RASGRP3: variants seen among roughly 807,000 people sequenced by gnomAD.
The protein encoded by RASGRP3 is RAS guanyl releasing protein 3.
RASGRP3 carries 54 observed loss-of-function variants against 82.7 expected under a neutral mutation model. That is an observed-to-expected ratio of 0.65 (90% CI 0.52 to 0.82). RASGRP3 has a LOEUF of 0.82. RASGRP3 is among the 40% of genes least tolerant of loss of function. The probability of loss-of-function intolerance (pLI) is 0.00; values close to 1 mark genes in which losing one functional copy is unlikely to be tolerated. For synonymous variants in RASGRP3, 309 were observed against 300.5 expected (o/e 1.03, Z -0.29); for missense variants, 861 against 828.9 (o/e 1.04, Z -0.48).
chr2:33,455,382 A>G (rs1465725358), intron 2 of RASGRP3, among the ~76,000 whole-genome samples: 1 of 152,252 alleles, frequency 6.6e-6, no homozygotes, highest in African/African-American at 2.4e-5. Flanking sequence ...AAGAAGCCAC[A>G]TCTTTTGATT....
intron 1 of RASGRP3, among the ~76,000 whole-genome samples, chr2:33,484,468 G>T (rs1459446686): frequency 6.6e-6 from 1 of 152,110 alleles, no homozygotes; most frequent in African/African-American, 2.4e-5. Flanking sequence ...AAAGTAGAAA[G>T]TATTCCACTT....
At chr2:33,464,667 G>A (rs1666585146) in intron 2 of RASGRP3, among the ~76,000 whole-genome samples, 1 of 151,996 alleles carries the variant, frequency 6.6e-6, no homozygotes. Context: ...TGAAGAGATG[G>A]GGTTTCACTA....
intron 4 of RASGRP3, among the ~76,000 whole-genome samples, chr2:33,517,715 G>T (rs1671602775): frequency 6.6e-6 from 1 of 152,164 alleles, no homozygotes; most frequent in African/African-American, 2.4e-5. Context: ...AGGATGGAGG[G>T]CATTGACTCA....
At chr2:33,555,271 T>C in intron 14 of RASGRP3, 1 of 324,934 alleles carries the variant, frequency 3.1e-6, no homozygotes, top group Non-Finnish European at 5.6e-6. Flanking sequence ...CAAAGTCTGG[T>C]GCATCAAACT....
chr2:33,535,120 G>T (rs1317993027), intron 11 of RASGRP3, among the ~76,000 whole-genome samples: 1 of 152,090 alleles, frequency 6.6e-6, no homozygotes, highest in African/African-American at 2.4e-5. Flanking sequence ...TAAACATCTC[G>T]ATCATAATTT....
At chr2:33,539,361 A>G in intron 12 of RASGRP3, 151 bp downstream of exon 12, 3 of 634,670 alleles carry the variant, frequency 4.7e-6, no homozygotes, top group Non-Finnish European at 5.7e-6. Context: ...CCTACCAGGC[A>G]TTGGGTCCTG....
chr2:33,546,100 G>A (rs1394707867), intron 13 of RASGRP3, among the ~76,000 whole-genome samples: 4 of 151,162 alleles, frequency 2.6e-5, no homozygotes, highest in East Asian at 2.0e-4. Context: ...GTGAGCCACC[G>A]TGCCCAGCCA....
chr2:33,457,453 C>T (rs1345002851), intron 2 of RASGRP3, among the ~76,000 whole-genome samples: 1 of 152,070 alleles, frequency 6.6e-6, no homozygotes, highest in Non-Finnish European at 1.5e-5. Context: ...TTTAAACTTA[C>T]TGCATCAAGA....
At chr2:33,457,758 C>T (rs561065224) in intron 2 of RASGRP3, among the ~76,000 whole-genome samples, 8 of 152,126 alleles carry the variant, frequency 5.3e-5, no homozygotes, top group East Asian at 3.9e-4. Flanking sequence ...GATTGGGGAA[C>T]GAGAATCCTG....
At chr2:33,553,878 A>G (rs1344388522) in intron 14 of RASGRP3, among the ~76,000 whole-genome samples, 1 of 152,154 alleles carries the variant, frequency 6.6e-6, no homozygotes, top group African/African-American at 2.4e-5. Flanking sequence ...AGCTGGGACT[A>G]TAGGCACACA....
intron 9 of RASGRP3, among the ~76,000 whole-genome samples, chr2:33,525,699 CAAAAAAAAA>C (rs1167570668): frequency 1.4e-3 from 76 of 54,404 alleles, no homozygotes; most frequent in African/African-American, 4.8e-3. Flanking sequence ...CCTGTCTCTA[CAAAAAAAAA>C]AAAAAAAAAA....
At chr2:33,520,497 C>T in intron 5 of RASGRP3, 56 bp from the exon 6 acceptor site, 1 of 1,603,296 alleles carries the variant, frequency 6.2e-7, no homozygotes, top group Non-Finnish European at 8.5e-7. Context: ...ACAATCGTTT[C>T]CATAGATAAC....
intron 9 of RASGRP3, 134 bp downstream of exon 9, chr2:33,524,682 A>G (rs1672352706): frequency 1.2e-5 from 8 of 650,296 alleles, no homozygotes; most frequent in Middle Eastern, 3.9e-4. Context: ...ATAAATGGGG[A>G]CAAAGTAGAA....
At chr2:33,479,323 T>C (rs774146017) in intron 1 of RASGRP3, among the ~76,000 whole-genome samples, 1 of 152,184 alleles carries the variant, frequency 6.6e-6, no homozygotes, top group Non-Finnish European at 1.5e-5. Context: ...CCGGGAACTT[T>C]GTTATTAACC....
chr2:33,491,331 TAAAAA>T (rs1668824851), intron 1 of RASGRP3, among the ~76,000 whole-genome samples: 1 of 148,426 alleles, frequency 6.7e-6, no homozygotes. Flanking sequence ...AAATTAAAAA[TAAAAA>T]AAGTAAAACT....
rs1348507031 is a variant in RASGRP3, at chr2:33,558,875, A to G, written c.1909A>G (p.Lys637Glu). Reference sequence around the variant, plus strand: ...GGGGTCCCACACCTTCCCTAAAATGAAATCCAAGTTCCATGACAAAGCAGC... The same window carrying G: ...GGGGTCCCACACCTTCCCTAAAATGGAATCCAAGTTCCATGACAAAGCAGC... ...DSGSHTFPKMKSKFHDKAAKD... is the reference protein window; with the variant it reads ...DSGSHTFPKMESKFHDKAAKD... The change falls in exon 17 of 18, where the codon AAA becomes GAA. Residue 637 changes from lysine (K) to glutamate (E), a missense_variant. Transcript: ENST00000403687. 6.2e-7 allele frequency: 1 copy of G among 1,613,916 alleles called. No individual in the cohort carries two copies. Among genetic ancestry groups the G allele is most frequent in the Non-Finnish European group, 8.5e-7 (1 of 1,179,908 alleles).
At chr2:33,528,656 G>T (rs568681087) in intron 10 of RASGRP3, among the ~76,000 whole-genome samples, 79 of 152,258 alleles carry the variant, frequency 5.2e-4, no homozygotes, top group African/African-American at 1.8e-3. Context: ...TAGGAGTGTG[G>T]TTTCTCGCCC....
chr2:33,473,140 A>T (rs923765695), upstream of RASGRP3, among the ~76,000 whole-genome samples: 5 of 152,162 alleles, frequency 3.3e-5, no homozygotes, highest in Admixed American at 3.3e-4. Flanking sequence ...AGGTGGGCAG[A>T]TCATGAGGTC....
At chr2:33,438,226 CTCATTGCTGG>C (rs771977242) in intron 1 of RASGRP3, among the ~76,000 whole-genome samples, 6 of 152,176 alleles carry the variant, frequency 3.9e-5, no homozygotes, top group Non-Finnish European at 8.8e-5. Context: ...TTGTAAAAGG[CTCATTGCTGG>C]TCATTGGTTT....
Sources: allele counts gnomAD v4.1 joint callset (sites outside exome capture counted in the v4.1 genomes callset), GRCh38; gene constraint gnomAD v4.1.1; transcripts MANE v1.5; gene names NCBI Gene and HGNC (gene_info 2026-07-23, HGNC 2026-07-21).